KCNC2: variants seen among roughly 807,000 people sequenced by gnomAD.
The protein encoded by KCNC2 is potassium voltage-gated channel subfamily C member 2, also known as voltage-gated potassium channel KCNC2.
Under a neutral mutation model 44.5 loss-of-function variants are expected in KCNC2, and 21 were observed. The observed-to-expected ratio is 0.47, with a 90% CI of 0.33 to 0.68. The LOEUF (loss-of-function observed/expected upper bound fraction) is 0.68, where lower values mean the gene tolerates loss of function less well. Ranked by LOEUF, KCNC2 falls within the 30% of genes least tolerant of loss-of-function variation. The pLI is 0.01. For synonymous variants in KCNC2, 391 were observed against 339.1 expected (o/e 1.15, Z -1.68); for missense variants, 589 against 826.2 (o/e 0.71, Z 3.52).
chr12:75,047,465 T>G (rs2136929438), intron 4 of KCNC2, among the ~76,000 whole-genome samples: 1 of 152,186 alleles, frequency 6.6e-6, no homozygotes. Flanking sequence ...CAATCAAGAT[T>G]TATTATCTTC....
chr12:75,102,843 T>A (rs1240668207), intron 2 of KCNC2, among the ~76,000 whole-genome samples: 1 of 151,938 alleles, frequency 6.6e-6, no homozygotes, highest in African/African-American at 2.4e-5. Flanking sequence ...ATAATAGAGC[T>A]TTTAACAGGG....
chr12:75,053,390 TGC>T (rs113247987), intron 2 of KCNC2, among the ~76,000 whole-genome samples: 6 of 150,150 alleles, frequency 4.0e-5, no homozygotes, highest in African/African-American at 5.0e-5. Flanking sequence ...GATGTGTGTG[TGC>T]GTGTGTGTTT....
chr12:75,140,397 T>C (rs981199403), intron 2 of KCNC2, among the ~76,000 whole-genome samples: 1 of 152,216 alleles, frequency 6.6e-6, no homozygotes, highest in Non-Finnish European at 1.5e-5. Flanking sequence ...ATCAAATGTG[T>C]ATGATAATTA....
At chr12:75,173,155 ACGT>A (rs1199653486) in intron 2 of KCNC2, among the ~76,000 whole-genome samples, 1 of 151,906 alleles carries the variant, frequency 6.6e-6, no homozygotes, top group African/African-American at 2.4e-5. Flanking sequence ...ATCACAATTT[ACGT>A]CTTCTCCCTT....
At chr12:75,138,541 A>G (rs891853364) in intron 2 of KCNC2, among the ~76,000 whole-genome samples, 3 of 152,198 alleles carry the variant, frequency 2.0e-5, no homozygotes, top group Non-Finnish European at 2.9e-5. Context: ...CCATATTTTA[A>G]TAGCCTTCCA....
At chr12:75,070,359 G>A (rs1008329661) in intron 2 of KCNC2, among the ~76,000 whole-genome samples, 16 of 149,530 alleles carry the variant, frequency 1.1e-4, no homozygotes, top group Admixed American at 2.6e-4. Flanking sequence ...GCTGAGGCAG[G>A]AGAATCACTT....
chr12:75,196,776 T>C (rs1244966352), intron 2 of KCNC2, among the ~76,000 whole-genome samples: 4 of 151,330 alleles, frequency 2.6e-5, no homozygotes, highest in African/African-American at 9.7e-5. Context: ...ACTTAACTCC[T>C]TGACTAAGAA....
chr12:75,049,557 A>G (rs981640126), intron 3 of KCNC2, among the ~76,000 whole-genome samples: 1 of 152,090 alleles, frequency 6.6e-6, no homozygotes, highest in Non-Finnish European at 1.5e-5. Context: ...TCAACTCTAC[A>G]TTGTCTATAG....
chr12:75,208,528 C>CAGGG (rs1368391956), intron 1 of KCNC2, among the ~76,000 whole-genome samples: 4 of 151,936 alleles, frequency 2.6e-5, no homozygotes, highest in Non-Finnish European at 5.9e-5. Context: ...TTCTCTTAGG[C>CAGGG]AGGGAGTTTT....
In KCNC2 at chr12:75,207,414, C is replaced by T. The variant is rs199551843; in HGVS notation, c.570G>A (p.Leu190=). ...GDDEDLAAKR[L]GIEDAAGLGG... is the part of the protein sequence containing the mutation. ...CGAGCCCCGCCGCGTCCTCGATGCC[C>T]AGCCTCTTGGCCGCCAGGTCCTCGT... The change falls in exon 2 of 5, where the codon CTG becomes CTA. Residue 190 remains leucine (L), a synonymous_variant. Transcript: ENST00000549446. This position sits in a 1 kb window ranked among gnomAD's most constrained non-coding sequence, Gnocchi z 4.1. 8.4e-5 allele frequency: 135 copies of T among 1,602,510 alleles called. No individual in the cohort carries two copies. In the South Asian group the frequency reaches 1.4e-3, roughly 16 times the overall value.
intron 2 of KCNC2, among the ~76,000 whole-genome samples, chr12:75,118,257 A>G (rs1311598191): frequency 4.6e-5 from 7 of 152,190 alleles, no homozygotes; most frequent in African/African-American, 1.4e-4. Flanking sequence ...ACCTACAATG[A>G]GCCAGACTTC....
intron 2 of KCNC2, among the ~76,000 whole-genome samples, chr12:75,120,130 C>T (rs562471112): frequency 4.2e-4 from 64 of 152,152 alleles, no homozygotes; most frequent in Non-Finnish European, 5.4e-4. Context: ...TCATGAGCTT[C>T]AGTTTGATAT....
intron 2 of KCNC2, among the ~76,000 whole-genome samples, chr12:75,061,922 A>G (rs1592782958): frequency 6.6e-6 from 1 of 152,102 alleles, no homozygotes; most frequent in African/African-American, 2.4e-5. Context: ...TAACAGTTTT[A>G]TAGGATAAAT....
intron 2 of KCNC2, among the ~76,000 whole-genome samples, chr12:75,101,713 G>T (rs1189222680): frequency 6.6e-6 from 1 of 152,020 alleles, no homozygotes; most frequent in Non-Finnish European, 1.5e-5. Context: ...AGCTTTGGGT[G>T]TAAGACTAGT....
At chr12:75,121,725 C>G (rs894890450) in intron 2 of KCNC2, among the ~76,000 whole-genome samples, 1 of 152,156 alleles carries the variant, frequency 6.6e-6, no homozygotes, top group Non-Finnish European at 1.5e-5. Context: ...AGCAATCATT[C>G]CCATGGGCAT....
intron 2 of KCNC2, among the ~76,000 whole-genome samples, chr12:75,076,281 T>C (rs969257535): frequency 6.6e-6 from 1 of 151,962 alleles, no homozygotes; most frequent in Non-Finnish European, 1.5e-5. Context: ...ATTTAATTAA[T>C]TAATTTATTT....
chr12:75,175,513 T>C (rs1892123507), intron 2 of KCNC2, among the ~76,000 whole-genome samples: 1 of 151,988 alleles, frequency 6.6e-6, no homozygotes, highest in African/African-American at 2.4e-5. Context: ...TTTTAGTTGA[T>C]GGGTACAAGG....
At chr12:75,084,343 T>C (rs1304677876) in intron 2 of KCNC2, among the ~76,000 whole-genome samples, 1 of 143,016 alleles carries the variant, frequency 7.0e-6, no homozygotes, top group African/African-American at 2.8e-5. Flanking sequence ...TATACTATTA[T>C]GTGTCCAGTA....
chr12:75,131,462 T>C (rs975369466), intron 2 of KCNC2, among the ~76,000 whole-genome samples: 5 of 152,120 alleles, frequency 3.3e-5, no homozygotes, highest in Admixed American at 6.6e-5. Flanking sequence ...TTTGTTATGT[T>C]ACATGTCAAA....
Sources: allele counts gnomAD v4.1 joint callset (sites outside exome capture counted in the v4.1 genomes callset), GRCh38; gene constraint gnomAD v4.1.1; non-coding constraint Gnocchi (gnomAD v3.1); transcripts MANE v1.5; gene names NCBI Gene and HGNC (gene_info 2026-07-23, HGNC 2026-07-21).